The following SENP7 variants were observed in gnomAD, a reference collection of about 807,000 sequenced individuals.
SENP7 encodes sentrin-specific protease 7.
Under a neutral mutation model 141.2 loss-of-function variants are expected in SENP7, and 64 were observed. The observed-to-expected ratio is 0.45, with a 90% confidence interval of 0.37 to 0.56. The LOEUF (loss-of-function observed/expected upper bound fraction) is 0.56, where lower values mean the gene tolerates loss of function less well. Ranked by LOEUF, SENP7 falls within the 20% of genes least tolerant of loss-of-function variation. The pLI is 0.00. For synonymous variants in SENP7, 382 were observed against 426.4 expected, an observed-to-expected ratio of 0.90 and a Z score of 1.28; for missense variants, 1,025 against 1,212.2, an observed-to-expected ratio of 0.85 and a Z score of 2.29.
intron 16 of SENP7, 36 bp downstream of exon 16, chr3:101,340,059 T>C (rs757285162): frequency 1.5e-5 from 23 of 1,503,876 alleles, no homozygotes; most frequent in East Asian, 2.5e-5. Flanking sequence ...CAGTAAAATC[T>C]GTAAAATATG....
intron 1 of SENP7, among the ~76,000 whole-genome samples, chr3:101,507,734 C>G (rs1289053610): frequency 6.6e-6 from 1 of 152,032 alleles, no homozygotes; most frequent in Non-Finnish European, 1.5e-5. Context: ...ACAATAATTC[C>G]TCCTTTAAAA....
chr3:101,352,599 G>A (rs2059640786), intron 11 of SENP7, among the ~76,000 whole-genome samples: 1 of 151,968 alleles, frequency 6.6e-6, no homozygotes, highest in Non-Finnish European at 1.5e-5. Context: ...ACTATCTAAA[G>A]CAGACTTCTG....
intron 1 of SENP7, among the ~76,000 whole-genome samples, chr3:101,512,657 G>A (rs1293441215): frequency 6.6e-6 from 1 of 152,192 alleles, no homozygotes; most frequent in Non-Finnish European, 1.5e-5. Flanking sequence ...ACCTGCTGAG[G>A]GAAAGAGGAG....
intron 11 of SENP7, among the ~76,000 whole-genome samples, chr3:101,359,467 T>G (rs2059833874): frequency 6.6e-6 from 1 of 151,374 alleles, no homozygotes; most frequent in Non-Finnish European, 1.5e-5. Flanking sequence ...CTCCTCCAAT[T>G]TGAATGTACT....
intron 6 of SENP7, among the ~76,000 whole-genome samples, chr3:101,388,635 C>T (rs2060726348): frequency 6.6e-6 from 1 of 151,956 alleles, no homozygotes; most frequent in South Asian, 2.1e-4. Context: ...TCTCCAATAA[C>T]ATATTTCAAT....
intron 1 of SENP7, among the ~76,000 whole-genome samples, chr3:101,504,682 G>A (rs1309255114): frequency 6.6e-6 from 1 of 152,122 alleles, no homozygotes; most frequent in Non-Finnish European, 1.5e-5. Context: ...AAAAAGGAAT[G>A]AACTCACGTC....
intron 17 of SENP7, chr3:101,333,069 G>C (rs1325938555): frequency 2.0e-6 from 1 of 506,934 alleles, no homozygotes; most frequent in Admixed American, 4.4e-5. Flanking sequence ...ATAATGAAAT[G>C]GACAGAATAA....
chr3:101,457,458 G>A (rs2063391001), intron 4 of SENP7: 4 of 1,603,854 alleles, frequency 2.5e-6, no homozygotes, highest in African/African-American at 2.7e-5. Context: ...GGCATGGCCT[G>A]TAATGGTGAA....
intron 4 of SENP7, among the ~76,000 whole-genome samples, chr3:101,435,810 G>A (rs913910369): frequency 1.3e-5 from 2 of 152,066 alleles, no homozygotes; most frequent in African/African-American, 4.8e-5. Context: ...CATGTTCATA[G>A]ATTGAAAGAA....
chr3:101,461,602 A>G (rs1441736580), intron 3 of SENP7, among the ~76,000 whole-genome samples: 1 of 152,150 alleles, frequency 6.6e-6, no homozygotes, highest in Non-Finnish European at 1.5e-5. Flanking sequence ...AGAAAAAAAA[A>G]AACAGTATTG....
chr3:101,396,668 A>G (rs1049007243), intron 6 of SENP7, among the ~76,000 whole-genome samples: 7 of 152,228 alleles, frequency 4.6e-5, no homozygotes, highest in African/African-American at 1.7e-4. Flanking sequence ...ACATTAAATG[A>G]CATAAGCATT....
In SENP7 at chr3:101,324,562, A is replaced by T. The variant is rs1390802100; in HGVS notation, c.*1381T>A. The T allele has an allele frequency of 6.6e-6, 1 of 152,068 alleles. No individual in the cohort carries two copies. Among genetic ancestry groups the T allele is most frequent in the Non-Finnish European group, 1.5e-5 (1 of 67,964 alleles). 9.4% of individuals were successfully genotyped at this position (152,068 alleles called of 1,614,324 possible). On this transcript the variant is annotated 3_prime_UTR_variant, in exon 24 of 24. Transcript: ENST00000394095. ...AGCCATCTTTATATGAAATATCCAAACAACAAATATATTTAATAATATAAA... is the reference window on the plus strand; with the variant it reads ...AGCCATCTTTATATGAAATATCCAATCAACAAATATATTTAATAATATAAA...
chr3:101,328,584 T>C, intron 21 of SENP7, 38 bp from the exon 22 acceptor site: 3 of 1,602,730 alleles, frequency 1.9e-6, no homozygotes, highest in Non-Finnish European at 2.6e-6. Flanking sequence ...ATTTACATAC[T>C]TGTATACAAA....
chr3:101,439,061 G>A (rs943157681), intron 4 of SENP7, among the ~76,000 whole-genome samples: 2 of 129,070 alleles, frequency 1.5e-5, no homozygotes, highest in African/African-American at 2.8e-5. Flanking sequence ...GTCTCCGCCC[G>A]GCCGCCATCC....
At chr3:101,483,705 G>C (rs2064601513) in intron 3 of SENP7, among the ~76,000 whole-genome samples, 1 of 152,154 alleles carries the variant, frequency 6.6e-6, no homozygotes, top group African/African-American at 2.4e-5. Context: ...TCTGGACAAA[G>C]ACCTCACATC....
At chr3:101,449,036 G>A (rs147890410) in intron 4 of SENP7, among the ~76,000 whole-genome samples, 2,032 of 152,226 alleles carry the variant, frequency 0.013, 11 homozygotes, top group Non-Finnish European at 0.023. Flanking sequence ...CTTAAAAGAC[G>A]TGATGGAGCT....
chr3:101,355,142 A>C (rs2059706782), intron 11 of SENP7, among the ~76,000 whole-genome samples: 1 of 152,082 alleles, frequency 6.6e-6, no homozygotes, highest in Non-Finnish European at 1.5e-5. Context: ...TACTTTGCAA[A>C]TATTTCCTCC....
intron 4 of SENP7, chr3:101,457,274 A>T (rs2107867698): frequency 1.3e-6 from 2 of 1,580,060 alleles, no homozygotes; most frequent in Non-Finnish European, 1.7e-6. Context: ...CCTCATCAAA[A>T]TTCTCCACAA....
At chr3:101,373,222 C>T (rs1483506048) in intron 6 of SENP7, among the ~76,000 whole-genome samples, 2 of 151,960 alleles carry the variant, frequency 1.3e-5, no homozygotes, top group African/African-American at 4.8e-5. Context: ...AATTAAAAGG[C>T]CAAAATAATC....
Sources: gnomAD v4.1 joint callset for allele counts (sites outside exome capture counted in the v4.1 genomes callset) on GRCh38, gnomAD v4.1.1 for gene constraint, MANE v1.5 for transcripts, NCBI Gene and HGNC (gene_info 2026-07-23, HGNC 2026-07-21) for gene names.